The following LRRC3B variants were observed in gnomAD, a reference collection of about 807,000 sequenced individuals.
LRRC3B encodes leucine-rich repeat-containing protein 3B.
Under a neutral mutation model 12.8 loss-of-function variants are expected in LRRC3B, and 2 were observed. The observed-to-expected ratio is 0.16, with a 90% CI of 0.06 to 0.49. LRRC3B has a LOEUF of 0.49. LRRC3B is among the 20% of genes least tolerant of loss of function. The pLI, the probability that LRRC3B is intolerant of heterozygous loss-of-function variation, is 0.96. For synonymous variants in LRRC3B, 132 were observed against 122.0 expected (o/e 1.08, Z -0.54); for missense variants, 189 against 319.4 (o/e 0.59, Z 3.11).
At chr3:26,695,726 T>C (rs1700299553) in intron 1 of LRRC3B, among the ~76,000 whole-genome samples, 1 of 149,982 alleles carries the variant, frequency 6.7e-6, no homozygotes. Flanking sequence ...AATCTGTAGA[T>C]AAACATGTGT....
In LRRC3B at chr3:26,707,817, A is replaced by G. The variant is rs572494378; in HGVS notation, c.-160-1696A>G. Among the ~76,000 whole-genome samples the G allele has an allele frequency of 9.2e-5, 14 of 152,116 alleles. No homozygotes were observed. In the South Asian group the frequency reaches 1.5e-3, roughly 16 times the overall value. ...CCCATCTAGATTCCTAGAGTCCCCA[A>G]GTACCATGCAATACAGTTTTGAAGG... is the stretch of plus-strand genomic sequence containing the variant. On this transcript the variant is annotated intron_variant, in intron 1 of 1. Coordinates refer to ENST00000396641, the Ensembl canonical transcript of LRRC3B.
At chr3:26,693,446 C>T (rs969985700) in intron 1 of LRRC3B, among the ~76,000 whole-genome samples, 1 of 151,670 alleles carries the variant, frequency 6.6e-6, no homozygotes, top group Admixed American at 6.6e-5. Flanking sequence ...TCATCTGCCT[C>T]AACAGTCCCA....
At chr3:26,664,841 C>T (rs1430132953) in intron 1 of LRRC3B, among the ~76,000 whole-genome samples, 1 of 151,928 alleles carries the variant, frequency 6.6e-6, no homozygotes, top group Non-Finnish European at 1.5e-5. Context: ...TCACTTGACT[C>T]CCCACGTGTC....
At chr3:26,697,716 T>G (rs1700353981) in intron 1 of LRRC3B, among the ~76,000 whole-genome samples, 1 of 152,144 alleles carries the variant, frequency 6.6e-6, no homozygotes, top group African/African-American at 2.4e-5. Context: ...GAGTACAAAA[T>G]CTCATCTAAA....
chr3:26,663,060 A>G (rs879749173), intron 1 of LRRC3B, among the ~76,000 whole-genome samples: 17 of 152,268 alleles, frequency 1.1e-4, no homozygotes, highest in Non-Finnish European at 2.2e-4. Flanking sequence ...TTCCCAGTGC[A>G]TCAGATTCTA....
At chr3:26,658,286 C>T (rs1699418531) in intron 1 of LRRC3B, among the ~76,000 whole-genome samples, 1 of 152,134 alleles carries the variant, frequency 6.6e-6, no homozygotes, top group South Asian at 2.1e-4. Context: ...TCTCTATCTC[C>T]TGACCTTGTG....
intron 1 of LRRC3B, among the ~76,000 whole-genome samples, chr3:26,637,647 C>G (rs1281523065): frequency 6.6e-6 from 1 of 152,184 alleles, no homozygotes; most frequent in Non-Finnish European, 1.5e-5. Context: ...ATGCCTAGAG[C>G]AGGAGATTTA....
At chr3:26,659,694 A>T (rs375286972) in intron 1 of LRRC3B, among the ~76,000 whole-genome samples, 1 of 152,046 alleles carries the variant, frequency 6.6e-6, no homozygotes, top group South Asian at 2.1e-4. Flanking sequence ...TACAAAAAAA[A>T]CCCTCTCTTC....
intron 1 of LRRC3B, among the ~76,000 whole-genome samples, chr3:26,680,784 A>G (rs1699954780): frequency 6.6e-6 from 1 of 152,246 alleles, no homozygotes; most frequent in Non-Finnish European, 1.5e-5. Flanking sequence ...CATTGTGACC[A>G]AAAGATACAA....
chr3:26,675,621 G>A (rs942554478), intron 1 of LRRC3B, among the ~76,000 whole-genome samples: 9 of 152,098 alleles, frequency 5.9e-5, no homozygotes, highest in African/African-American at 2.2e-4. Context: ...AAGTTAATTG[G>A]AATAACCAAC....
rs1334835988 is a variant in LRRC3B, at chr3:26,636,954, CTTTCTTTCTTTCTTTCTT to C, written c.-161+13719_-161+13736del. On this transcript the variant is annotated intron_variant, in intron 1 of 1. Transcript: ENST00000396641. Reference sequence around the variant, plus strand: ...TCTTTCTTTCTTTCTTTCTTTCTTTCTTTCTTTCTTTCTTTCTTTCTCTCTCTCTCTTTCTCTCTTTCT... The same window carrying C: ...TCTTTCTTTCTTTCTTTCTTTCTTTCTCTCTCTCTCTCTTTCTCTCTTTCT... 1.1e-3 allele frequency among the ~76,000 whole-genome samples: 138 copies of C among 124,574 alleles called. 9 individuals are homozygous for C. In the East Asian group the frequency reaches 0.017, roughly 15 times the overall value. The allele number at this position is 124,574 out of a possible 152,430, so 81.7% of individuals were successfully genotyped here.
chr3:26,681,141 A>T (rs532851896), intron 1 of LRRC3B, among the ~76,000 whole-genome samples: 6 of 152,328 alleles, frequency 3.9e-5, no homozygotes, highest in African/African-American at 1.4e-4. Context: ...GTTCTTATTG[A>T]CATTGCTTGT....
chr3:26,677,291 A>G (rs945344183), intron 1 of LRRC3B, among the ~76,000 whole-genome samples: 2 of 152,158 alleles, frequency 1.3e-5, no homozygotes, highest in African/African-American at 4.8e-5. Context: ...TGATACTGAA[A>G]ATAAACACCA....
chr3:26,682,758 G>A (rs1440772115), intron 1 of LRRC3B, among the ~76,000 whole-genome samples: 2 of 152,110 alleles, frequency 1.3e-5, no homozygotes, highest in African/African-American at 2.4e-5. Flanking sequence ...TCAGTGGATA[G>A]TCTTCCCCTT....
At chr3:26,642,901 C>A (rs1333137769) in intron 1 of LRRC3B, among the ~76,000 whole-genome samples, 2 of 151,728 alleles carry the variant, frequency 1.3e-5, no homozygotes, top group Non-Finnish European at 2.9e-5. Flanking sequence ...CCTGTAATCC[C>A]AGCTATTCGG....
chr3:26,641,521 C>T (rs1009878370), intron 1 of LRRC3B, among the ~76,000 whole-genome samples: 2 of 152,178 alleles, frequency 1.3e-5, no homozygotes, highest in African/African-American at 4.8e-5. Context: ...ATCTGGGAAA[C>T]ATGTTCCCAC....
rs146211781 is a variant in LRRC3B at position 26,678,772 on chromosome 3, C to T, written c.-160-30741C>T. On this transcript the variant is annotated intron_variant, in intron 1 of 1. Transcript: ENST00000396641. The stretch of plus-strand genomic sequence containing the variant: ...CAATACCCAATTCATATTCTGTTGA[C>T]GGTTAGCACAAAAGCCTTAGAGAAT... Among the ~76,000 whole-genome samples, 599 of 152,178 alleles carry T rather than the reference C, an allele frequency of 3.9e-3. 1 individual carries two copies. The highest frequency in any genetic ancestry group is 7.8e-3 in the Admixed American group (119 of 15,288).
chr3:26,641,628 C>T (rs1699033575), intron 1 of LRRC3B, among the ~76,000 whole-genome samples: 3 of 152,086 alleles, frequency 2.0e-5, no homozygotes, highest in Non-Finnish European at 4.4e-5. Flanking sequence ...GGGCAGGAGA[C>T]TGGGGTGGTA....
chr3:26,639,534 C>A (rs1421245525), intron 1 of LRRC3B, among the ~76,000 whole-genome samples: 1 of 129,934 alleles, frequency 7.7e-6, no homozygotes, highest in Non-Finnish European at 1.7e-5. Flanking sequence ...AAATTTAAAT[C>A]TTTAAATTTA....
Sources: allele counts gnomAD v4.1 joint callset (sites outside exome capture counted in the v4.1 genomes callset), GRCh38; gene constraint gnomAD v4.1.1; transcripts MANE v1.5; gene names NCBI Gene and HGNC (gene_info 2026-07-23, HGNC 2026-07-21).